The following BIRC6 variants were observed in gnomAD, a reference collection of about 807,000 sequenced individuals.
BIRC6 encodes baculoviral IAP repeat containing 6.
In BIRC6, 98 loss-of-function variants were observed where a neutral mutation model predicts 503.3. The ratio of observed to expected loss-of-function variants is 0.19; its 90% CI spans 0.17 to 0.23. The LOEUF is 0.23. Among genes scored for constraint, BIRC6 ranks in the 10% least tolerant of loss-of-function variants. The probability of loss-of-function intolerance (pLI) is 1.00; values close to 1 mark genes in which losing one functional copy is unlikely to be tolerated. For synonymous variants in BIRC6, 2,240 were observed against 2,078.7 expected (o/e 1.08, Z -2.11); for missense variants, 5,360 against 5,806.0 (o/e 0.92, Z 2.50).
At chr2:32,406,066 A>G (rs376158442) in intron 8 of BIRC6, among the ~76,000 whole-genome samples, 1 of 152,114 alleles carries the variant, frequency 6.6e-6, no homozygotes, top group Non-Finnish European at 1.5e-5. Context: ...TATTTTAATT[A>G]TATGGTTGAG....
At chr2:32,507,301 C>T (rs923104684) in intron 50 of BIRC6, among the ~76,000 whole-genome samples, 8 of 152,050 alleles carry the variant, frequency 5.3e-5, no homozygotes, top group African/African-American at 1.7e-4. Context: ...GTAGTGGCAC[C>T]TACCTGTAGT....
At chr2:32,554,974 G>T (rs1356944085) in intron 65 of BIRC6, among the ~76,000 whole-genome samples, 1 of 151,830 alleles carries the variant, frequency 6.6e-6, no homozygotes, top group Non-Finnish European at 1.5e-5. Flanking sequence ...AAATTAAAAA[G>T]GACATAGAAA....
chr2:32,611,433 T>C lies in BIRC6; in HGVS notation c.14260-15T>C. Reference sequence around the variant, plus strand: ...CTGTAAACACTGCTTGTTCTCCTGTTTACTTTTTCTCAAGGTAATACACAA... The same window carrying C: ...CTGTAAACACTGCTTGTTCTCCTGTCTACTTTTTCTCAAGGTAATACACAA... On this transcript the variant is annotated splice_polypyrimidine_tract_variant and intron_variant, in intron 72 of 73. Transcript: ENST00000421745. 6.3e-7 allele frequency: 1 copy of C among 1,593,752 alleles called. No homozygotes were observed. Among genetic ancestry groups the C allele is most frequent in the Non-Finnish European group, 8.6e-7 (1 of 1,168,244 alleles).
In BIRC6 at chr2:32,611,575, C is replaced by G. The variant is rs1413601974; in HGVS notation, c.14387C>G (p.Ala4796Gly). The change falls in exon 73 of 74, where the codon GCT becomes GGT. Residue 4796 changes from alanine to glycine, a missense_variant. Ala to Gly is a moderately conservative substitution (Grantham distance 60). Transcript: ENST00000421745. ...VGRTMSHHAA[A>G]LKRHTAQLRE... ...AGGACTATGTCTCACCATGCAGCAG[C>G]TCTCAAGGTGAGTAAGCCTCTCTAA... 5 of 1,580,698 alleles carry G rather than the reference C, an allele frequency of 3.2e-6. No individual in the cohort carries two copies. The East Asian group carries it at 1.1e-4, about 36-fold the overall frequency.
chr2:32,557,003 T>C (rs1463024506), intron 65 of BIRC6, among the ~76,000 whole-genome samples: 1 of 152,164 alleles, frequency 6.6e-6, no homozygotes, highest in Non-Finnish European at 1.5e-5. Context: ...ATGTTAACAA[T>C]GGTAGTTTTA....
At chr2:32,397,286 C>T (rs2040005598) in intron 6 of BIRC6, among the ~76,000 whole-genome samples, 1 of 151,742 alleles carries the variant, frequency 6.6e-6, no homozygotes, top group Admixed American at 6.6e-5. Flanking sequence ...GCCTGGCTAA[C>T]ATGGTGAAAC....
intron 42 of BIRC6, among the ~76,000 whole-genome samples, chr2:32,489,420 C>G (rs2051412570): frequency 6.6e-6 from 1 of 151,736 alleles, no homozygotes; most frequent in South Asian, 2.1e-4. Context: ...GTTTCCATCT[C>G]TTCAACTATA....
At chr2:32,438,289 G>A (rs1325567574) in intron 15 of BIRC6, among the ~76,000 whole-genome samples, 4 of 152,262 alleles carry the variant, frequency 2.6e-5, no homozygotes, top group Non-Finnish European at 5.9e-5. Context: ...GAAACAGAAT[G>A]TCAGATACCA....
intron 5 of BIRC6, 105 bp downstream of exon 5, chr2:32,392,255 T>G (rs1432772279): frequency 1.3e-6 from 1 of 781,260 alleles, no homozygotes; most frequent in Admixed American, 2.5e-5. Flanking sequence ...TTGTGCACCT[T>G]GTATGCTTGC....
chr2:32,389,813 C>T (rs768703776), intron 4 of BIRC6, among the ~76,000 whole-genome samples: 4 of 152,090 alleles, frequency 2.6e-5, no homozygotes, highest in Non-Finnish European at 5.9e-5. Context: ...TCTCCTGCCT[C>T]AGCCTCCTGA....
intron 3 of BIRC6, among the ~76,000 whole-genome samples, chr2:32,382,977 C>T (rs182811515): frequency 5.9e-5 from 9 of 152,242 alleles, no homozygotes; most frequent in African/African-American, 1.9e-4. Flanking sequence ...CCACCTTGGC[C>T]TCCCAAAATG....
chr2:32,484,329 ATC>A (rs2050746898), intron 39 of BIRC6, among the ~76,000 whole-genome samples: 1 of 152,114 alleles, frequency 6.6e-6, no homozygotes, highest in South Asian at 2.1e-4. Context: ...AGGCAGGTGG[ATC>A]ACCTGAGGTC....
At chr2:32,575,700 G>C (rs1258152356) in intron 66 of BIRC6, among the ~76,000 whole-genome samples, 1 of 152,048 alleles carries the variant, frequency 6.6e-6, no homozygotes, top group African/African-American at 2.4e-5. Context: ...GGGAGGCAGA[G>C]GTTGCAGTGA....
intron 8 of BIRC6, 74 bp from the exon 9 acceptor site, chr2:32,406,425 T>C: frequency 8.5e-7 from 1 of 1,182,380 alleles, no homozygotes. Flanking sequence ...CCAACTGTTC[T>C]TTTTTCTTTG....
rs1223893639 is a variant in BIRC6, at chr2:32,543,224, CTT to C, written c.12292-14_12292-13del. The C allele has an allele frequency of 2.5e-6, 4 of 1,608,688 alleles. No homozygotes were observed. The highest frequency in any genetic ancestry group is 2.2e-5 in the East Asian group (1 of 44,808). The stretch of plus-strand genomic sequence containing the variant: ...GAAAATGTGAATGGCCAAGCCAACA[CTT>C]TTCTTTTTCTTTAGGTGAGTGCTCC... On this transcript the variant is annotated splice_polypyrimidine_tract_variant and intron_variant, in intron 61 of 73. Transcript: ENST00000421745.
intron 1 of BIRC6, among the ~76,000 whole-genome samples, chr2:32,368,722 G>C (rs2035332679): frequency 6.6e-6 from 1 of 152,076 alleles, no homozygotes; most frequent in Non-Finnish European, 1.5e-5. Context: ...TGTGATCTCA[G>C]CTCACTTCAA....
intron 39 of BIRC6, among the ~76,000 whole-genome samples, chr2:32,482,825 G>A (rs1414854446): frequency 1.3e-5 from 2 of 152,014 alleles, no homozygotes; most frequent in South Asian, 4.1e-4. Flanking sequence ...TGATTTTAAT[G>A]AACTGTGCTG....
intron 61 of BIRC6, among the ~76,000 whole-genome samples, chr2:32,534,863 G>T (rs1386063179): frequency 3.3e-5 from 5 of 151,022 alleles, no homozygotes; most frequent in African/African-American, 1.2e-4. Flanking sequence ...AGTCCGAGAA[G>T]AAGAGTGAGT....
At chr2:32,472,232 A>G (rs2049186154) in intron 32 of BIRC6, among the ~76,000 whole-genome samples, 1 of 152,068 alleles carries the variant, frequency 6.6e-6, no homozygotes, top group South Asian at 2.1e-4. Context: ...ACGCCCGGCT[A>G]ATTGTTTTGT....
Sources: allele counts gnomAD v4.1 joint callset (sites outside exome capture counted in the v4.1 genomes callset), GRCh38; gene constraint gnomAD v4.1.1; transcripts MANE v1.5; gene names NCBI Gene and HGNC (gene_info 2026-07-23, HGNC 2026-07-21).